TRPM3: variants seen among roughly 807,000 people sequenced by gnomAD.
TRPM3 encodes transient receptor potential cation channel subfamily M member 3.
TRPM3 carries 77 observed loss-of-function variants against 181.2 expected under a neutral mutation model. The ratio of observed to expected loss-of-function variants is 0.42; its 90% CI spans 0.35 to 0.51. TRPM3 has a LOEUF of 0.51. TRPM3 is among the 20% of genes least tolerant of loss of function. The pLI, the probability that TRPM3 is intolerant of heterozygous loss-of-function variation, is 0.01. For missense variants in TRPM3, 1,759 were observed against 2,196.7 expected (o/e 0.80, Z 3.98); for synonymous variants, 745 against 796.4 (o/e 0.94, Z 1.09).
intron 1 of TRPM3, among the ~76,000 whole-genome samples, chr9:71,345,521 A>G (rs934820025): frequency 1.3e-5 from 2 of 152,030 alleles, no homozygotes; most frequent in South Asian, 2.1e-4. Flanking sequence ...ATTCTCACTC[A>G]TAAGTGGGAG....
At chr9:70,690,365 A>T (rs774803068) in intron 8 of TRPM3, among the ~76,000 whole-genome samples, 65 of 152,172 alleles carry the variant, frequency 4.3e-4, no homozygotes, top group Non-Finnish European at 7.5e-4. Flanking sequence ...AGGCTTGAGC[A>T]CACTAAAAAT....
intron 1 of TRPM3, among the ~76,000 whole-genome samples, chr9:71,241,323 C>G (rs930504879): frequency 6.6e-6 from 1 of 152,020 alleles, no homozygotes; most frequent in Non-Finnish European, 1.5e-5. Context: ...ATGGTCCTGG[C>G]CTTTCTTAAC....
chr9:71,133,292 C>CTTTTTTTTTTTTTT lies in TRPM3; in HGVS notation c.184-268795_184-268782dup, dbSNP rs761379173. Reference sequence around the variant, plus strand: ...CATTTGTAATTCTTCTAGCAAATTGCTTTTTTTTTTTTTTTTTTTGAGACA... The same window carrying CTTTTTTTTTTTTTT: ...CATTTGTAATTCTTCTAGCAAATTGCTTTTTTTTTTTTTTTTTTTTTTTTTTTTTTTTTGAGACA... On this transcript the variant is annotated intron_variant, in intron 1 of 24. Transcript: ENST00000357533. Among the ~76,000 whole-genome samples the CTTTTTTTTTTTTTT allele has an allele frequency of 5.9e-3, 424 of 72,318 alleles. 80 individuals carry two copies. Among genetic ancestry groups the CTTTTTTTTTTTTTT allele is most frequent in the East Asian group, 9.7e-3 (20 of 2,066 alleles). The allele number at this position is 72,318 out of a possible 152,430, so 47.4% of individuals were successfully genotyped here. A position where few individuals can be genotyped will look rare whatever the true frequency, so the allele number is the denominator to read the frequency against.
At chr9:71,267,786 T>C (rs2083490891) in intron 1 of TRPM3, among the ~76,000 whole-genome samples, 1 of 152,206 alleles carries the variant, frequency 6.6e-6, no homozygotes, top group Admixed American at 6.5e-5. Flanking sequence ...TGGCCTTGTA[T>C]ATATCAGTTT....
chr9:71,250,842 G>GGA (rs1386878949), intron 1 of TRPM3, among the ~76,000 whole-genome samples: 1 of 152,108 alleles, frequency 6.6e-6, no homozygotes, highest in African/African-American at 2.4e-5. Flanking sequence ...CGAACAAAGG[G>GGA]GAGAGTAAGA....
At chr9:70,550,095 T>A (rs2046104540) in intron 24 of TRPM3, among the ~76,000 whole-genome samples, 1 of 152,198 alleles carries the variant, frequency 6.6e-6, no homozygotes, top group African/African-American at 2.4e-5. Context: ...CTTTTTCCCT[T>A]TCCTGCTACT....
intron 8 of TRPM3, among the ~76,000 whole-genome samples, chr9:70,758,415 T>G (rs1281812539): frequency 1.3e-5 from 2 of 152,138 alleles, no homozygotes; most frequent in Non-Finnish European, 2.9e-5. Context: ...CAAAAGTAAT[T>G]TATAGATTTA....
intron 6 of TRPM3, among the ~76,000 whole-genome samples, chr9:70,793,297 A>AT (rs2085992642): frequency 6.6e-6 from 1 of 151,796 alleles, no homozygotes; most frequent in South Asian, 2.1e-4. Context: ...CTACAAAAAT[A>AT]TTTTTAAAAA....
chr9:71,440,098 G>T (rs2094114190), intron 1 of TRPM3, among the ~76,000 whole-genome samples: 1 of 152,002 alleles, frequency 6.6e-6, no homozygotes, highest in Non-Finnish European at 1.5e-5. Context: ...ACTCCAGCCT[G>T]GGTGACACAA....
chr9:71,313,711 C>T (rs2088240647), intron 1 of TRPM3, among the ~76,000 whole-genome samples: 1 of 152,100 alleles, frequency 6.6e-6, no homozygotes. Flanking sequence ...ATCACATAAT[C>T]CATTTAAATT....
At chr9:70,894,664 T>C (rs2096257202) in intron 1 of TRPM3, among the ~76,000 whole-genome samples, 1 of 151,930 alleles carries the variant, frequency 6.6e-6, no homozygotes, top group Non-Finnish European at 1.5e-5. Flanking sequence ...GAATGCAAGA[T>C]TTGGCTTCTC....
intron 9 of TRPM3, among the ~76,000 whole-genome samples, chr9:70,672,514 A>G (rs185694633): frequency 6.6e-6 from 1 of 152,226 alleles, no homozygotes; most frequent in Non-Finnish European, 1.5e-5. Context: ...AATCTGTTTT[A>G]TTTGTTTTTG....
chr9:71,201,514 T>C (rs2078791823), intron 1 of TRPM3, among the ~76,000 whole-genome samples: 1 of 152,202 alleles, frequency 6.6e-6, no homozygotes, highest in African/African-American at 2.4e-5. Flanking sequence ...GGTACACCAA[T>C]CAGACGTAGA....
intron 1 of TRPM3, among the ~76,000 whole-genome samples, chr9:71,424,215 C>A (rs1039490235): frequency 2.0e-5 from 3 of 152,142 alleles, no homozygotes; most frequent in Non-Finnish European, 4.4e-5. Flanking sequence ...CCAAATTCAG[C>A]AATCCTAGGT....
intron 1 of TRPM3, among the ~76,000 whole-genome samples, chr9:71,029,019 A>T (rs902764889): frequency 2.6e-5 from 4 of 152,218 alleles, no homozygotes; most frequent in African/African-American, 9.6e-5. Context: ...AATTGACCAC[A>T]CAATTGGACA....
intron 22 of TRPM3, among the ~76,000 whole-genome samples, chr9:70,572,114 T>TTGTGTGTGTGTGTGTGTGTGTGTGTGTG (rs58492210): frequency 4.7e-5 from 7 of 149,966 alleles, no homozygotes; most frequent in African/African-American, 1.5e-4. Flanking sequence ...TCCCAGTTAC[T>TTGTGTGTGTGTGTGTGTGTGTGTGTGTG]TGTGTGTGTG....
At chr9:70,775,898 G>A (rs2081272627) in intron 7 of TRPM3, 1 of 152,024 alleles carries the variant, frequency 6.6e-6, no homozygotes, top group Non-Finnish European at 1.5e-5. Flanking sequence ...TATACACTGT[G>A]GAATGGCTAG....
chr9:70,623,186 G>A (rs555399474), intron 14 of TRPM3, among the ~76,000 whole-genome samples: 1 of 152,132 alleles, frequency 6.6e-6, no homozygotes, highest in Admixed American at 6.5e-5. Flanking sequence ...CCAACATGGC[G>A]AAACCCCTTC....
chr9:70,609,616 G>GC (rs961928239), intron 19 of TRPM3, among the ~76,000 whole-genome samples: 1 of 152,176 alleles, frequency 6.6e-6, no homozygotes. Flanking sequence ...GTTGGGGACA[G>GC]CCCCCCACAA....
Sources: allele counts gnomAD v4.1 joint callset (sites outside exome capture counted in the v4.1 genomes callset), GRCh38; gene constraint gnomAD v4.1.1; transcripts MANE v1.5; gene names NCBI Gene and HGNC (gene_info 2026-07-23, HGNC 2026-07-21).